The following ZNF414 variants were observed in gnomAD, a reference collection of about 807,000 sequenced individuals.
ZNF414 encodes the protein zinc finger protein 414.
ZNF414 carries 32 observed loss-of-function variants against 38.3 expected under a neutral mutation model. The observed-to-expected ratio is 0.83, with a 90% confidence interval of 0.63 to 1.12. The LOEUF is 1.12. Among genes scored for constraint, ZNF414 ranks in the 50% most tolerant of loss-of-function variants. The pLI is 0.00. For synonymous variants in ZNF414, 256 were observed against 248.0 expected (o/e 1.03, Z -0.30); for missense variants, 589 against 557.4 (o/e 1.06, Z -0.57).
In ZNF414 at chr19:8,511,954, C is replaced by T. The variant is rs764551657; in HGVS notation, c.537G>A (p.Glu179=). The T allele has an allele frequency of 7.1e-7, 1 of 1,417,542 alleles. No individual in the cohort carries two copies. The highest frequency in any genetic ancestry group is 9.1e-7 in the Non-Finnish European group (1 of 1,094,662). 87.8% of individuals were successfully genotyped at this position (1,417,542 alleles called of 1,614,324 possible). A position where few individuals can be genotyped will look rare whatever the true frequency, so the allele number is the denominator to read the frequency against. ...GCGTGCGGAAGCGCAGGAGGCAGTT[C>T]TCACACCTGGAGGTGGGCAGAGGGC... The part of the protein sequence containing the change: ...HYKPNRYFKC[E]NCLLRFRTHR... The change falls in exon 5 of 8, where the codon GAG becomes GAA. Residue 179 remains glutamate (E), a synonymous_variant. Transcript: ENST00000393927.
At chr19:8,511,283 C>G (rs142537526) in intron 6 of ZNF414, 1 of 1,412,252 alleles carries the variant, frequency 7.1e-7, no homozygotes, top group Non-Finnish European at 9.2e-7. Context: ...GTGAAAGGGG[C>G]GCAAGGTTTA....
In ZNF414 at chr19:8,513,038, G is replaced by A. The variant is rs1243974694; in HGVS notation, c.307C>T (p.Pro103Ser). The change falls in exon 2 of 8, where the codon CCA (proline) becomes TCA (serine). Residue 103 changes from proline (P) to serine (S), a missense_variant. By Grantham distance (74) the Pro-to-Ser change is moderately conservative (BLOSUM62 -1). Transcript: ENST00000393927. The stretch of plus-strand genomic sequence containing the variant: ...CCCCATCACAGATCACCTGGAGGTG[G>A]GCGTCGTCTGGGAGGCCGCAGGTCC... ...SEDLRPPRRR[P>S]PPGKQIPCSS... The A allele has an allele frequency of 6.8e-7, 1 of 1,462,244 alleles. No homozygotes were observed. 90.6% of individuals were successfully genotyped at this position (1,462,244 alleles called of 1,614,324 possible). A position where few individuals can be genotyped will look rare whatever the true frequency, so the allele number is the denominator to read the frequency against.
At position 8,511,522 on chromosome 19, in the gene ZNF414, G is replaced by C; in HGVS notation, c.889C>G (p.Pro297Ala). The C allele has an allele frequency of 1.2e-6, 2 of 1,603,260 alleles. No individual in the cohort carries two copies. The highest frequency in any genetic ancestry group is 1.7e-6 in the Non-Finnish European group (2 of 1,175,358). ...WKKSQGAGSS[P>A]RRPQGGSDAP... ...TCGGAGCCGCCCTGGGGTCTTCGGG[G>C]GCTGCTGCCAGCACCTGCGGTAAAG... Residue 297 changes from proline (P) to alanine (A), a missense_variant, in exon 6 of 8, where the codon CCC becomes GCC. Pro to Ala is a conservative substitution (Grantham distance 27). Coordinates refer to ENST00000393927, the MANE Select transcript of ZNF414 (RefSeq NM_001146175.2).
chr19:8,511,433 G>A, intron 6 of ZNF414, 53 bp downstream of exon 6: 1 of 1,593,420 alleles, frequency 6.3e-7, no homozygotes, highest in Non-Finnish European at 8.5e-7. Context: ...AGACCCCGCA[G>A]GGCGCAGGAA....
chr19:8,511,864 T>G lies in ZNF414; in HGVS notation c.627A>C (p.Pro209=). The part of the protein sequence containing the change: ...AEHAQSPAPP[P]PPALDREPPA... ...GCGGCTCTCGGTCCAGGGCCGGGGGTGGCGGCGGGGCTGGGCTCTGCGCAT... is the reference window on the plus strand; with the variant it reads ...GCGGCTCTCGGTCCAGGGCCGGGGGGGGCGGCGGGGCTGGGCTCTGCGCAT... Residue 209 remains proline (P), a synonymous_variant, in exon 5 of 8, where the codon CCA becomes CCC. Transcript: ENST00000393927. 7.2e-7 allele frequency: 1 copy of G among 1,394,244 alleles called. No homozygotes were observed. The highest frequency in any genetic ancestry group is 9.2e-7 in the Non-Finnish European group (1 of 1,081,848). 86.4% of individuals were successfully genotyped at this position (1,394,244 alleles called of 1,614,324 possible). A position where few individuals can be genotyped will look rare whatever the true frequency, so the allele number is the denominator to read the frequency against.
chr19:8,511,884 G>A lies in ZNF414; in HGVS notation c.607C>T (p.Gln203Ter). 7.1e-7 allele frequency: 1 copy of A among 1,411,666 alleles called. No homozygotes were observed. The allele number at this position is 1,411,666 out of a possible 1,614,324, so 87.4% of individuals were successfully genotyped here. The change falls in exon 5 of 8, where the codon CAG (glutamine) becomes TAG (stop). Residue 203 changes from glutamine to a stop codon, truncating the protein, a stop_gained. Coordinates refer to ENST00000393927, the MANE Select transcript of ZNF414 (RefSeq NM_001146175.2). LOFTEE classifies it high-confidence loss of function. ...GGGGGTGGCGGCGGGGCTGGGCTCT[G>A]CGCATGCTCCGCGCAAACATGCAGG... ...KHLHVCAEHAQSPAPPPPPAL... is the reference protein window; with the variant it reads ...KHLHVCAEHA
chr19:8,513,090 C>A lies in ZNF414; in HGVS notation c.255G>T (p.Leu85=). The A allele has an allele frequency of 6.6e-7, 1 of 1,517,054 alleles. No individual in the cohort carries two copies. Among genetic ancestry groups the A allele is most frequent in the South Asian group, 1.2e-5 (1 of 80,592 alleles). The allele number at this position is 1,517,054 out of a possible 1,614,324, so 94.0% of individuals were successfully genotyped here. ...CQPGPGPSPG[L]TSIVSGTSED... ...CGCTGGTCCCGGAGACTATGCTGGT[C>A]AGGCCAGGGCTGGGTCCGGGGCCAG... Residue 85 remains leucine (L), a synonymous_variant, in exon 2 of 8, where the codon CTG becomes CTT. Coordinates refer to ENST00000393927, the MANE Select transcript of ZNF414 (RefSeq NM_001146175.2).
At position 8,510,594 on chromosome 19, in the gene ZNF414, G is replaced by T; in HGVS notation, c.*97C>A. The T allele has an allele frequency of 7.4e-7, 1 of 1,354,332 alleles. No individual in the cohort carries two copies. The highest frequency in any genetic ancestry group is 1.4e-5 in the South Asian group (1 of 72,820). The allele number at this position is 1,354,332 out of a possible 1,614,324, so 83.9% of individuals were successfully genotyped here. ...AACACAGCATAGGCTGGCTCATGGC[G>T]CCTTCTTTATTGTCCACCCCAGCCC... On this transcript the variant is annotated 3_prime_UTR_variant, in exon 8 of 8. Coordinates refer to ENST00000393927, the MANE Select transcript of ZNF414 (RefSeq NM_001146175.2).
At chr19:8,512,309 C>A in intron 4 of ZNF414, 78 bp downstream of exon 4, 1 of 1,571,950 alleles carries the variant, frequency 6.4e-7, no homozygotes, top group Non-Finnish European at 8.7e-7. Flanking sequence ...ACACCCTGAC[C>A]AGGAAGGGAG....
chr19:8,513,607 A>C (rs1272516256), intron 1 of ZNF414, among the ~76,000 whole-genome samples: 1 of 152,066 alleles, frequency 6.6e-6, no homozygotes, highest in East Asian at 1.9e-4. Flanking sequence ...TGAGCTCCTT[A>C]TGCATACGGG....
In ZNF414 at chr19:8,512,734, G is replaced by A. The variant is rs761476880; in HGVS notation, c.317-23C>T. 2.5e-5 allele frequency: 37 copies of A among 1,479,794 alleles called. No individual in the cohort carries two copies. The Admixed American group carries it at 8.9e-4, about 36-fold the overall frequency. The allele number at this position is 1,479,794 out of a possible 1,614,324, so 91.7% of individuals were successfully genotyped here. ...TCCCTGCAGGACGCACAGAACAGTGGTCACTGGTCCCTTCCTCACTAGTGC... is the reference window on the plus strand; with the variant it reads ...TCCCTGCAGGACGCACAGAACAGTGATCACTGGTCCCTTCCTCACTAGTGC... On this transcript the variant is annotated intron_variant, in intron 2 of 7. Coordinates refer to ENST00000393927, the MANE Select transcript of ZNF414 (RefSeq NM_001146175.2).
At chr19:8,513,405 C>T (rs1404834996) in intron 1 of ZNF414, 64 bp from the exon 2 acceptor site, 7 of 1,454,096 alleles carry the variant, frequency 4.8e-6, no homozygotes, top group Non-Finnish European at 6.4e-6. Flanking sequence ...CGGCCCCCAT[C>T]CTAAGGAATC....
Position 8,514,154 on chromosome 19 carries a change from A to T in ZNF414, c.-108T>A. On this transcript the variant is annotated 5_prime_UTR_variant, in exon 1 of 8. Transcript: ENST00000393927. Reference sequence around the variant, plus strand: ...CGCGCTCACGTCAGCGCCATTTTCCACCTCTCAGCTCTCGCGAGACTGGGG... The same window carrying T: ...CGCGCTCACGTCAGCGCCATTTTCCTCCTCTCAGCTCTCGCGAGACTGGGG... 7.8e-7 allele frequency: 1 copy of T among 1,282,402 alleles called. No homozygotes were observed. The highest frequency in any genetic ancestry group is 1.6e-5 in the African/African-American group (1 of 63,590). 79.4% of individuals were successfully genotyped at this position (1,282,402 alleles called of 1,614,324 possible).
intron 1 of ZNF414, 29 bp from the exon 2 acceptor site, chr19:8,513,370 C>T: frequency 6.5e-7 from 1 of 1,534,452 alleles, no homozygotes; most frequent in South Asian, 1.2e-5. Flanking sequence ...GGAGAGAACC[C>T]TTCTGGGCTC....
chr19:8,511,281 G>A, intron 6 of ZNF414: 5 of 1,411,232 alleles, frequency 3.5e-6, no homozygotes, highest in Non-Finnish European at 4.6e-6. Flanking sequence ...CGGTGAAAGG[G>A]GCGCAAGGTT....
rs759446097 is a variant in ZNF414 at position 8,511,824 on chromosome 19, G to C, written c.667C>G (p.Pro223Ala). The change falls in exon 5 of 8, where the codon CCC (proline) becomes GCC (alanine). Residue 223 changes from proline (P) to alanine (A), a missense_variant. Pro to Ala is a conservative substitution (Grantham distance 27). Coordinates refer to ENST00000393927, the MANE Select transcript of ZNF414 (RefSeq NM_001146175.2). ...LDREPPAPER[P>A]PEVDPASAPG... Reference sequence around the variant, plus strand: ...GCTGATGCGGGGTCAACCTCCGGGGGGCGCTCCGGCGCGGGCGGCTCTCGG... The same window carrying C: ...GCTGATGCGGGGTCAACCTCCGGGGCGCGCTCCGGCGCGGGCGGCTCTCGG... 1.4e-6 allele frequency: 2 copies of C among 1,399,996 alleles called. No homozygotes were observed. The highest frequency in any genetic ancestry group is 1.6e-5 in the South Asian group (1 of 60,860). 86.7% of individuals were successfully genotyped at this position (1,399,996 alleles called of 1,614,324 possible). A position where few individuals can be genotyped will look rare whatever the true frequency, so the allele number is the denominator to read the frequency against.
In ZNF414 at chr19:8,514,139, T is replaced by G; in HGVS notation, c.-93A>C. ...TGGGCAGTGCGAGTTCGCGCTCACGTCAGCGCCATTTTCCACCTCTCAGCT... is the reference window on the plus strand; with the variant it reads ...TGGGCAGTGCGAGTTCGCGCTCACGGCAGCGCCATTTTCCACCTCTCAGCT... On this transcript the variant is annotated 5_prime_UTR_variant, in exon 1 of 8. Transcript: ENST00000393927. The G allele has an allele frequency of 7.4e-7, 1 of 1,356,382 alleles. No homozygotes were observed. Among genetic ancestry groups the G allele is most frequent in the Non-Finnish European group, 9.5e-7 (1 of 1,049,564 alleles). The allele number at this position is 1,356,382 out of a possible 1,614,324, so 84.0% of individuals were successfully genotyped here.
rs1971905288 is a variant in ZNF414, at chr19:8,510,948, C to G, written c.1002G>C (p.Thr334=). ...GCAGGGTCATGGCGGGCCGCGAGGC[C>G]GTGGAGAAGGCGCACTGCATGCACG... The part of the protein sequence containing the change: ...RYSCMQCAFS[T]ASRPAMTLHL... Residue 334 remains threonine, a synonymous_variant, in exon 7 of 8, where the codon ACG becomes ACC. Transcript: ENST00000393927. 3.2e-6 allele frequency: 4 copies of G among 1,246,668 alleles called. No individual in the cohort carries two copies. In the South Asian group the frequency reaches 9.9e-5, roughly 31 times the overall value. The allele number at this position is 1,246,668 out of a possible 1,614,324, so 77.2% of individuals were successfully genotyped here. A position where few individuals can be genotyped will look rare whatever the true frequency, so the allele number is the denominator to read the frequency against.
chr19:8,512,621 G>T lies in ZNF414; in HGVS notation c.407C>A (p.Pro136His). The T allele has an allele frequency of 6.3e-7, 1 of 1,592,320 alleles. No homozygotes were observed. Residue 136 changes from proline to histidine, a missense_variant, in exon 3 of 8, where the codon CCC becomes CAC. Transcript: ENST00000393927. The stretch of plus-strand genomic sequence containing the variant: ...GGCCCTACCTTCCAGGGACTGTGTG[G>T]GCGGGCAGTGGGTTCGCAGATGCTG... ...LAQHLRTHCP[P>H]TQSLEGKLFR...
Sources: allele counts gnomAD v4.1 joint callset (sites outside exome capture counted in the v4.1 genomes callset), GRCh38; gene constraint gnomAD v4.1.1; transcripts MANE v1.5; gene names NCBI Gene and HGNC (gene_info 2026-07-23, HGNC 2026-07-21).